Variants in PIGL observed in about 807,000 individuals in gnomAD.
PIGL encodes the protein phosphatidylinositol glycan anchor biosynthesis class L, also known as N-acetylglucosaminyl-phosphatidylinositol de-N-acetylase.
In PIGL, 22 loss-of-function variants were observed where a neutral mutation model predicts 31.1. The ratio of observed to expected loss-of-function variants is 0.71; its 90% confidence interval spans 0.51 to 1.01. PIGL has a LOEUF of 1.01. Ranked by LOEUF, PIGL falls within the 50% of genes least tolerant of loss-of-function variation. The pLI is 0.00. For synonymous variants in PIGL, 131 were observed against 117.4 expected, an observed-to-expected ratio of 1.12 and a Z score of -0.75; for missense variants, 302 against 315.9, an observed-to-expected ratio of 0.96 and a Z score of 0.33.
rs555622526 is a variant in PIGL, at chr17:16,244,370, A to G, written c.335+10300A>G. Among the ~76,000 whole-genome samples, 6 of 152,342 alleles carry G rather than the reference A, an allele frequency of 3.9e-5. No homozygotes were observed. The South Asian group carries it at 1.2e-3, about 32-fold the overall frequency. On this transcript the variant is annotated intron_variant, in intron 2 of 6. Transcript: ENST00000225609. ...AAGGACAGCTTGGAGGTTAGAAGCA[A>G]GATGGAGTCAGTTAAGTTAGATCTC... is the stretch of plus-strand genomic sequence containing the variant.
chr17:16,235,846 C>T (rs2092697816), intron 2 of PIGL, among the ~76,000 whole-genome samples: 1 of 147,824 alleles, frequency 6.8e-6, no homozygotes, highest in East Asian at 2.0e-4. Flanking sequence ...ATGTACTTTG[C>T]ATCATATCAG....
intron 2 of PIGL, among the ~76,000 whole-genome samples, chr17:16,273,683 G>T (rs2092881838): frequency 6.6e-6 from 1 of 152,028 alleles, no homozygotes; most frequent in Non-Finnish European, 1.5e-5. Context: ...ATGACCAATT[G>T]GTTGTCAAAG....
intron 2 of PIGL, among the ~76,000 whole-genome samples, chr17:16,297,447 C>G (rs918169417): frequency 6.6e-6 from 1 of 152,206 alleles, no homozygotes. Flanking sequence ...TCCTCCTATC[C>G]TTTCTCTCGT....
At chr17:16,251,243 T>C (rs893509640) in intron 2 of PIGL, among the ~76,000 whole-genome samples, 3 of 151,910 alleles carry the variant, frequency 2.0e-5, no homozygotes, top group African/African-American at 4.8e-5. Flanking sequence ...CTGGGCAACA[T>C]AGTGAGACCC....
chr17:16,226,115 A>G (rs960182906), intron 1 of PIGL, among the ~76,000 whole-genome samples: 2 of 152,140 alleles, frequency 1.3e-5, no homozygotes, highest in Non-Finnish European at 2.9e-5. Context: ...GACTAGAGTA[A>G]GCTATGATGA....
intron 2 of PIGL, among the ~76,000 whole-genome samples, chr17:16,292,332 C>T (rs2092964604): frequency 6.6e-6 from 1 of 151,576 alleles, no homozygotes; most frequent in Non-Finnish European, 1.5e-5. Context: ...GAATGGAGCT[C>T]TTAATATAAA....
chr17:16,323,274 C>T (rs1399142069), intron 6 of PIGL, among the ~76,000 whole-genome samples: 2 of 151,760 alleles, frequency 1.3e-5, no homozygotes, highest in African/African-American at 2.4e-5. Flanking sequence ...ACTCTTGGTG[C>T]CCATGCTGGA....
At chr17:16,311,486 A>ATTTTTTTTTT (rs1568840853) in intron 3 of PIGL, among the ~76,000 whole-genome samples, 28 of 10,286 alleles carry the variant, frequency 2.7e-3, no homozygotes, top group Non-Finnish European at 3.3e-3. Flanking sequence ...TTTTTTGATC[A>ATTTTTTTTTT]TTCTTGGGTG....
intron 2 of PIGL, among the ~76,000 whole-genome samples, chr17:16,292,637 ATAAT>A (rs2142821124): frequency 6.6e-6 from 1 of 152,358 alleles, no homozygotes; most frequent in Admixed American, 6.5e-5. Context: ...AACAACCTAA[ATAAT>A]TGATGATAGG....
intron 1 of PIGL, 175 bp downstream of exon 1, chr17:16,217,636 G>C: frequency 5.7e-6 from 3 of 525,250 alleles, no homozygotes; most frequent in Non-Finnish European, 1.0e-5. Flanking sequence ...CTTACCTGGT[G>C]GGTTGGGGGA....
intron 2 of PIGL, among the ~76,000 whole-genome samples, chr17:16,237,805 CAAAAAAAAA>C (rs57265734): frequency 9.8e-6 from 1 of 101,766 alleles, no homozygotes; most frequent in Non-Finnish European, 1.9e-5. Flanking sequence ...GTCTCAAAAG[CAAAAAAAAA>C]AAAAAAAAAA....
At chr17:16,241,134 A>G (rs1473535459) in intron 2 of PIGL, among the ~76,000 whole-genome samples, 17 of 150,908 alleles carry the variant, frequency 1.1e-4, no homozygotes, top group African/African-American at 4.1e-4. Flanking sequence ...AAAAAAAAAA[A>G]AAGAAGTGGC....
intron 2 of PIGL, among the ~76,000 whole-genome samples, chr17:16,287,693 T>C (rs2092943895): frequency 6.6e-6 from 1 of 152,266 alleles, no homozygotes; most frequent in African/African-American, 2.4e-5. Context: ...TTTTGTCCTG[T>C]TATACGTTGA....
At chr17:16,226,988 A>G (rs2092654733) in intron 1 of PIGL, among the ~76,000 whole-genome samples, 1 of 152,222 alleles carries the variant, frequency 6.6e-6, no homozygotes, top group African/African-American at 2.4e-5. Flanking sequence ...ATTCTAGAAC[A>G]TGTTTGCCTT....
At chr17:16,316,541 T>C (rs2093077751) in intron 4 of PIGL, 140 bp from the exon 5 acceptor site, 2 of 739,874 alleles carry the variant, frequency 2.7e-6, no homozygotes, top group Non-Finnish European at 4.3e-6. Context: ...ATCTATACAG[T>C]GATTTATGCA....
At chr17:16,248,590 C>T (rs911684054) in intron 2 of PIGL, among the ~76,000 whole-genome samples, 4 of 152,144 alleles carry the variant, frequency 2.6e-5, no homozygotes, top group Non-Finnish European at 4.4e-5. Flanking sequence ...GAGGTTTTCT[C>T]TCCAGTCTCC....
chr17:16,293,384 C>T (rs1195005523), intron 2 of PIGL, among the ~76,000 whole-genome samples: 1 of 152,116 alleles, frequency 6.6e-6, no homozygotes, highest in Non-Finnish European at 1.5e-5. Context: ...CAAACTTAGC[C>T]GGGTGTGGTG....
chr17:16,265,146 A>G (rs1030768164), intron 2 of PIGL, among the ~76,000 whole-genome samples: 2 of 152,158 alleles, frequency 1.3e-5, no homozygotes, highest in Non-Finnish European at 2.9e-5. Flanking sequence ...TTGTGAGGTA[A>G]CAGAAAGGGA....
chr17:16,254,329 C>T (rs1198903228), intron 2 of PIGL, among the ~76,000 whole-genome samples: 5 of 151,970 alleles, frequency 3.3e-5, no homozygotes, highest in Non-Finnish European at 5.9e-5. Flanking sequence ...AGTGCAATGG[C>T]GTGATCTCAG....
Sources: allele counts gnomAD v4.1 joint callset (sites outside exome capture counted in the v4.1 genomes callset), GRCh38; gene constraint gnomAD v4.1.1; transcripts MANE v1.5; gene names NCBI Gene and HGNC (gene_info 2026-07-23, HGNC 2026-07-21).